The following MAP3K7 variants were observed in gnomAD, a reference collection of about 807,000 sequenced individuals.
MAP3K7 encodes mitogen-activated protein kinase kinase kinase 7.
In MAP3K7, 21 loss-of-function variants were observed where a neutral mutation model predicts 84.8. The observed-to-expected ratio is 0.25, with a 90% CI of 0.18 to 0.36. MAP3K7 has a LOEUF of 0.36. Ranked by LOEUF, MAP3K7 falls within the 10% of genes least tolerant of loss-of-function variation. MAP3K7 has a pLI of 1.00. For missense variants in MAP3K7, 503 were observed against 747.7 expected (o/e 0.67, Z 3.82); for synonymous variants, 241 against 247.7 (o/e 0.97, Z 0.25).
chr6:90,569,474 A>C (rs1361755993), intron 2 of MAP3K7, among the ~76,000 whole-genome samples: 1 of 136,606 alleles, frequency 7.3e-6, no homozygotes, highest in African/African-American at 2.5e-5. Context: ...CTAGATCTCA[A>C]ACTTCTTTCT....
At position 90,518,645 on chromosome 6, in the gene MAP3K7, A is replaced by G; in HGVS notation, c.1525-83T>C. 5.5e-6 allele frequency: 4 copies of G among 722,418 alleles called. No individual in the cohort carries two copies. In the Admixed American group the frequency reaches 7.1e-5, roughly 13 times the overall value. The allele number at this position is 722,418 out of a possible 1,614,324, so 44.8% of individuals were successfully genotyped here. ...GATGAGAGTCAAGACAGAGACTGTG[A>G]TATATTTTTATAGCACTAAAGCAAT... On this transcript the variant is annotated intron_variant, in intron 15 of 16. Coordinates refer to ENST00000369329, the MANE Select transcript of MAP3K7 (RefSeq NM_145331.3).
intron 1 of MAP3K7, among the ~76,000 whole-genome samples, chr6:90,577,892 A>G (rs1465021771): frequency 6.6e-6 from 1 of 152,250 alleles, no homozygotes; most frequent in African/African-American, 2.4e-5. Flanking sequence ...ACAACAGATA[A>G]TAAGGCAAGA....
Position 90,540,192 on chromosome 6 carries a change from G to C in MAP3K7, c.1292-3791C>G, listed in dbSNP as rs116529639. Among the ~76,000 whole-genome samples the C allele has an allele frequency of 4.3e-3, 654 of 151,880 alleles. 4 individuals are homozygous for C. Among genetic ancestry groups the C allele is most frequent in the African/African-American group, 0.015 (623 of 41,476 alleles). Reference sequence around the variant, plus strand: ...TCAATCTTCTTTTGCATATCCTTAAGAACAGTATGTAAGACAGAAAATCCT... The same window carrying C: ...TCAATCTTCTTTTGCATATCCTTAACAACAGTATGTAAGACAGAAAATCCT... On this transcript the variant is annotated intron_variant, in intron 12 of 16. Transcript: ENST00000369329.
chr6:90,519,714 C>T (rs139953349), intron 14 of MAP3K7, among the ~76,000 whole-genome samples: 197 of 151,950 alleles, frequency 1.3e-3, no homozygotes, highest in African/African-American at 4.6e-3. Context: ...TTATAGAAGG[C>T]TATATCAACT....
chr6:90,528,305 T>A (rs1251359839), intron 13 of MAP3K7, among the ~76,000 whole-genome samples: 1 of 152,188 alleles, frequency 6.6e-6, no homozygotes, highest in Non-Finnish European at 1.5e-5. Flanking sequence ...GAATCTTATA[T>A]CTAGCTTCAA....
At chr6:90,551,293 T>TA (rs1373616456) in intron 8 of MAP3K7, 1 of 152,132 alleles carries the variant, frequency 6.6e-6, no homozygotes, top group African/African-American at 2.4e-5. Context: ...GGAAATTACT[T>TA]AGTCTATATT....
At chr6:90,530,227 G>A (rs1166976324) in intron 13 of MAP3K7, among the ~76,000 whole-genome samples, 2 of 152,128 alleles carry the variant, frequency 1.3e-5, no homozygotes, top group Non-Finnish European at 2.9e-5. Context: ...ATTTTAAAAA[G>A]AGAAACACAT....
At chr6:90,563,590 C>T (rs1010334450) in intron 3 of MAP3K7, among the ~76,000 whole-genome samples, 16 of 152,192 alleles carry the variant, frequency 1.1e-4, no homozygotes, top group Non-Finnish European at 5.9e-5. Context: ...AAATCTACAT[C>T]TCATTAGTGT....
intron 1 of MAP3K7, among the ~76,000 whole-genome samples, chr6:90,572,694 G>C (rs1467848372): frequency 6.6e-6 from 1 of 151,828 alleles, no homozygotes; most frequent in Non-Finnish European, 1.5e-5. Context: ...TCTCATTACA[G>C]TTATTTTTCA....
intron 1 of MAP3K7, 108 bp from the exon 2 acceptor site, chr6:90,571,915 T>TAAA: frequency 2.5e-6 from 1 of 396,838 alleles, no homozygotes; most frequent in Non-Finnish European, 4.5e-6. Context: ...GACTTTAAAT[T>TAAA]AAAAAAAAAA....
intron 1 of MAP3K7, among the ~76,000 whole-genome samples, chr6:90,572,037 C>CTGTA (rs1386389261): frequency 4.0e-5 from 6 of 151,532 alleles, no homozygotes; most frequent in African/African-American, 1.5e-4. Context: ...AGTTTATGAT[C>CTGTA]TGTACACCCT....
intron 11 of MAP3K7, among the ~76,000 whole-genome samples, chr6:90,545,243 G>C (rs157682): frequency 2.0e-5 from 3 of 151,762 alleles, no homozygotes; most frequent in Admixed American, 6.6e-5. Flanking sequence ...CTGTCAAAAG[G>C]CTGGAAAGTA....
At chr6:90,542,596 T>C (rs1775887730) in intron 12 of MAP3K7, 4 of 550,280 alleles carry the variant, frequency 7.3e-6, no homozygotes. Flanking sequence ...AAAATGGATG[T>C]GACTTGGAGT....
chr6:90,575,301 G>A (rs1291816630), intron 1 of MAP3K7, among the ~76,000 whole-genome samples: 3 of 152,140 alleles, frequency 2.0e-5, no homozygotes, highest in African/African-American at 4.8e-5. Flanking sequence ...GAGAGCCAAA[G>A]GTAAGGGCTA....
At chr6:90,572,308 A>T (rs548689071) in intron 1 of MAP3K7, among the ~76,000 whole-genome samples, 5 of 152,256 alleles carry the variant, frequency 3.3e-5, no homozygotes, top group Non-Finnish European at 5.9e-5. Context: ...GCTATGAAGG[A>T]CAGACAAAAT....
intron 5 of MAP3K7, 22 bp from the exon 6 acceptor site, chr6:90,556,646 A>G: frequency 6.4e-7 from 1 of 1,573,660 alleles, no homozygotes; most frequent in Non-Finnish European, 8.6e-7. Flanking sequence ...AAAACAAAAA[A>G]CATCAAAAGT....
intron 13 of MAP3K7, among the ~76,000 whole-genome samples, chr6:90,527,819 T>G (rs1775371774): frequency 6.6e-6 from 1 of 152,100 alleles, no homozygotes; most frequent in South Asian, 2.1e-4. Flanking sequence ...ATTTCATATA[T>G]TAAAGCCTTT....
intron 12 of MAP3K7, among the ~76,000 whole-genome samples, chr6:90,543,559 T>C (rs769117131): frequency 3.9e-5 from 6 of 152,074 alleles, no homozygotes; most frequent in Non-Finnish European, 7.4e-5. Context: ...ATGGATTCTA[T>C]CCTTACATAG....
intron 1 of MAP3K7, among the ~76,000 whole-genome samples, chr6:90,582,131 C>T (rs965996496): frequency 1.3e-5 from 2 of 152,116 alleles, no homozygotes; most frequent in African/African-American, 2.4e-5. Flanking sequence ...ACCTACCATA[C>T]GTGGCTTACT....
Sources: allele counts gnomAD v4.1 joint callset (sites outside exome capture counted in the v4.1 genomes callset), GRCh38; gene constraint gnomAD v4.1.1; transcripts MANE v1.5; gene names NCBI Gene and HGNC (gene_info 2026-07-23, HGNC 2026-07-21).